The following GSG1L variants were observed in gnomAD, a reference collection of about 807,000 sequenced individuals.
The protein encoded by GSG1L is germ cell-specific gene 1-like protein.
In GSG1L, 24 loss-of-function variants were observed where a neutral mutation model predicts 42.1. The observed-to-expected ratio is 0.57, with a 90% CI of 0.41 to 0.80. The LOEUF is 0.80. Among genes scored for constraint, GSG1L ranks in the 30% least tolerant of loss-of-function variants. The probability of loss-of-function intolerance (pLI) is 0.00; values close to 1 mark genes in which losing one functional copy is unlikely to be tolerated. For missense variants in GSG1L, 445 were observed against 472.2 expected (o/e 0.94, Z 0.53); for synonymous variants, 215 against 203.5 (o/e 1.06, Z -0.48).
intron 1 of GSG1L, among the ~76,000 whole-genome samples, chr16:27,985,318 T>A (rs2085369109): frequency 6.6e-6 from 1 of 152,074 alleles, no homozygotes; most frequent in South Asian, 2.1e-4. Context: ...CTCATGGTAA[T>A]GAGGGAGTTC....
intron 2 of GSG1L, among the ~76,000 whole-genome samples, chr16:27,897,413 C>A (rs1201735488): frequency 6.6e-6 from 1 of 152,186 alleles, no homozygotes; most frequent in Non-Finnish European, 1.5e-5. Flanking sequence ...ATCTTCCCAC[C>A]TCAGCCTCCC....
chr16:27,901,038 G>A (rs1029659051), intron 2 of GSG1L, among the ~76,000 whole-genome samples: 1 of 152,170 alleles, frequency 6.6e-6, no homozygotes, highest in Non-Finnish European at 1.5e-5. Context: ...TGAGGCAGGA[G>A]AATTCCTCAA....
At chr16:27,889,556 C>T (rs189940755) in intron 2 of GSG1L, among the ~76,000 whole-genome samples, 1 of 152,260 alleles carries the variant, frequency 6.6e-6, no homozygotes, top group East Asian at 1.9e-4. Flanking sequence ...CAACCAGAGC[C>T]CATTTTTTCT....
intron 2 of GSG1L, among the ~76,000 whole-genome samples, chr16:27,959,875 A>G (rs1272275297): frequency 6.6e-6 from 1 of 152,236 alleles, no homozygotes; most frequent in East Asian, 1.9e-4. Flanking sequence ...AGGAATCCGG[A>G]TAAAAAATGG....
At chr16:27,892,625 A>C (rs953837304) in intron 2 of GSG1L, among the ~76,000 whole-genome samples, 4 of 151,982 alleles carry the variant, frequency 2.6e-5, no homozygotes, top group Admixed American at 1.3e-4. Flanking sequence ...CCCCGTCTCT[A>C]CTAAAAATAC....
chr16:27,858,759 G>A (rs1328465808), intron 3 of GSG1L, among the ~76,000 whole-genome samples: 1 of 152,192 alleles, frequency 6.6e-6, no homozygotes, highest in Admixed American at 6.5e-5. Flanking sequence ...TTCAAACCCA[G>A]CCTGGGCAAC....
chr16:27,853,040 G>T (rs1247943873), intron 3 of GSG1L, among the ~76,000 whole-genome samples: 1 of 152,172 alleles, frequency 6.6e-6, no homozygotes, highest in African/African-American at 2.4e-5. Context: ...AAGCTGTTGG[G>T]ACTGACCCAA....
At chr16:27,796,002 A>T (rs2082814012) in intron 6 of GSG1L, among the ~76,000 whole-genome samples, 1 of 152,154 alleles carries the variant, frequency 6.6e-6, no homozygotes, top group South Asian at 2.1e-4. Context: ...CAATGCCACC[A>T]CAAATGTACA....
rs536834496 is a variant in GSG1L, at chr16:27,953,615, A to T, written c.397+9541T>A. Among the ~76,000 whole-genome samples the T allele has an allele frequency of 2.6e-3, 389 of 152,308 alleles. 5 individuals are homozygous for T. Among genetic ancestry groups the T allele is most frequent in the African/African-American group, 9.2e-3 (383 of 41,566 alleles). Reference sequence around the variant, plus strand: ...GGAGATAGGCTGGGTGCAATGGCTCATACTTGTAATCCCAGCACTTTGGGA... The same window carrying T: ...GGAGATAGGCTGGGTGCAATGGCTCTTACTTGTAATCCCAGCACTTTGGGA... On this transcript the variant is annotated intron_variant, in intron 2 of 6. Coordinates refer to ENST00000447459, the MANE Select transcript of GSG1L (RefSeq NM_001109763.2).
chr16:28,043,482 C>T (rs866979003), intron 1 of GSG1L, among the ~76,000 whole-genome samples: 4 of 152,094 alleles, frequency 2.6e-5, no homozygotes, highest in Admixed American at 6.5e-5. Context: ...ACAGAGAAAA[C>T]GAGAGACATA....
chr16:27,977,647 T>C (rs761002160), intron 1 of GSG1L, among the ~76,000 whole-genome samples: 8 of 151,996 alleles, frequency 5.3e-5, no homozygotes, highest in Non-Finnish European at 1.2e-4. Context: ...AAAATCTTTT[T>C]TTAAACATTT....
intron 1 of GSG1L, among the ~76,000 whole-genome samples, chr16:28,002,669 G>A (rs564375875): frequency 5.3e-5 from 8 of 152,174 alleles, no homozygotes; most frequent in South Asian, 2.1e-4. Context: ...GGTGGCTCAC[G>A]CCTGTAATCC....
intron 6 of GSG1L, among the ~76,000 whole-genome samples, chr16:27,796,354 T>C (rs2082817616): frequency 6.8e-6 from 1 of 146,968 alleles, no homozygotes. Context: ...TTTGGAAACC[T>C]GTCAGCTAGT....
chr16:27,884,381 G>T lies in GSG1L; in HGVS notation c.550+105C>A. On this transcript the variant is annotated intron_variant, in intron 3 of 6. Coordinates refer to ENST00000447459, the MANE Select transcript of GSG1L (RefSeq NM_001109763.2). The surrounding 1 kb of genome is among the most constrained non-coding windows in gnomAD (Gnocchi z 4.4). ...TAAAACTGAGGCTCACAGAAGAGAA[G>T]CAATTTGTCCAATGCCTCCCGGTTG... 9.5e-7 allele frequency: 1 copy of T among 1,047,788 alleles called. No individual in the cohort carries two copies. Among genetic ancestry groups the T allele is most frequent in the Non-Finnish European group, 1.4e-6 (1 of 739,732 alleles). 64.9% of individuals were successfully genotyped at this position (1,047,788 alleles called of 1,614,324 possible). A position where few individuals can be genotyped will look rare whatever the true frequency, so the allele number is the denominator to read the frequency against.
intron 1 of GSG1L, among the ~76,000 whole-genome samples, chr16:28,058,188 C>T (rs967182187): frequency 2.0e-5 from 3 of 152,162 alleles, no homozygotes; most frequent in Admixed American, 6.5e-5. Context: ...CGGAGCCTCC[C>T]GCCTGGGTGC....
intron 5 of GSG1L, among the ~76,000 whole-genome samples, chr16:27,827,865 TCCATCCATCCATCC>T (rs1364686853): frequency 3.2e-5 from 2 of 61,880 alleles, no homozygotes; most frequent in East Asian, 6.0e-4. Flanking sequence ...ATTCCATCCA[TCCATCCATCCATCC>T]ATCCATCCAT....
intron 2 of GSG1L, among the ~76,000 whole-genome samples, chr16:27,929,008 T>C (rs898747165): frequency 2.0e-5 from 3 of 152,188 alleles, no homozygotes; most frequent in Admixed American, 2.0e-4. Flanking sequence ...AAGTATCTCT[T>C]CCAGAGGAGC....
chr16:27,851,468 T>A (rs907880153), intron 3 of GSG1L, among the ~76,000 whole-genome samples: 11 of 151,482 alleles, frequency 7.3e-5, no homozygotes, highest in African/African-American at 2.7e-4. Context: ...AGTGCCGGGA[T>A]CCAAGCAGGA....
chr16:27,942,613 A>G (rs1193966654), intron 2 of GSG1L, among the ~76,000 whole-genome samples: 1 of 152,258 alleles, frequency 6.6e-6, no homozygotes, highest in East Asian at 1.9e-4. Context: ...AAAGATGCAA[A>G]CAGGCACTTC....
Sources: allele counts gnomAD v4.1 joint callset (sites outside exome capture counted in the v4.1 genomes callset), GRCh38; gene constraint gnomAD v4.1.1; non-coding constraint Gnocchi (gnomAD v3.1); transcripts MANE v1.5; gene names NCBI Gene and HGNC (gene_info 2026-07-23, HGNC 2026-07-21).